SOBP: variants seen among roughly 807,000 people sequenced by gnomAD.
SOBP encodes sine oculis-binding protein homolog.
A neutral mutation model predicts 53.6 loss-of-function variants in SOBP; 4 were observed. The ratio of observed to expected loss-of-function variants is 0.07; its 90% CI spans 0.04 to 0.17. SOBP has a LOEUF of 0.17. SOBP is among the 10% of genes least tolerant of loss of function. The pLI is 1.00. For synonymous variants in SOBP, 584 were observed against 522.6 expected (o/e 1.12, Z -1.60); for missense variants, 1,088 against 1,204.7 (o/e 0.90, Z 1.43).
At chr6:107,629,176 AT>A (rs1020241545) in intron 5 of SOBP, among the ~76,000 whole-genome samples, 1 of 147,992 alleles carries the variant, frequency 6.8e-6, no homozygotes. Flanking sequence ...GCACGTGAAG[AT>A]TTTTTTTGTT....
chr6:107,588,349 A>G (rs1009878192), intron 5 of SOBP, among the ~76,000 whole-genome samples: 1 of 152,216 alleles, frequency 6.6e-6, no homozygotes, highest in Non-Finnish European at 1.5e-5. Flanking sequence ...TTACAATTAC[A>G]CTACTTATTC....
intron 5 of SOBP, among the ~76,000 whole-genome samples, chr6:107,618,020 G>T (rs1391805181): frequency 1.3e-5 from 2 of 151,836 alleles, no homozygotes; most frequent in African/African-American, 4.8e-5. Flanking sequence ...GTAGAGATGG[G>T]GTTTCACCAT....
intron 6 of SOBP, among the ~76,000 whole-genome samples, chr6:107,656,826 C>T (rs1772089291): frequency 6.6e-6 from 1 of 152,186 alleles, no homozygotes. Context: ...TCTGGGGTCC[C>T]TTCAAGTCCT....
chr6:107,493,158 C>G (rs1033769672), intron 1 of SOBP, among the ~76,000 whole-genome samples: 4 of 151,932 alleles, frequency 2.6e-5, no homozygotes, highest in African/African-American at 9.7e-5. Flanking sequence ...AGTTGGTTGC[C>G]CTGTATATAA....
intron 6 of SOBP, among the ~76,000 whole-genome samples, 199 bp from the exon 7 acceptor site, chr6:107,658,007 AG>A (rs1202729153): frequency 6.6e-6 from 1 of 152,158 alleles, no homozygotes; most frequent in Non-Finnish European, 1.5e-5. Context: ...CAAAGCTGGC[AG>A]GGCTGACCTG....
intron 4 of SOBP, among the ~76,000 whole-genome samples, chr6:107,559,455 A>G (rs949454245): frequency 4.6e-5 from 7 of 152,256 alleles, no homozygotes; most frequent in African/African-American, 1.7e-4. Context: ...AAAAAATAAG[A>G]TGAAATTTAT....
intron 5 of SOBP, among the ~76,000 whole-genome samples, chr6:107,631,349 G>C (rs1770708616): frequency 6.6e-6 from 1 of 152,062 alleles, no homozygotes; most frequent in African/African-American, 2.4e-5. Flanking sequence ...TTGCACTGCA[G>C]GCTTTCTATG....
chr6:107,510,865 G>C (rs12664365), intron 3 of SOBP: 2 of 152,072 alleles, frequency 1.3e-5, no homozygotes, highest in East Asian at 3.9e-4. Flanking sequence ...TCATGCAAGT[G>C]CACCTCTCAA....
intron 4 of SOBP, among the ~76,000 whole-genome samples, chr6:107,535,537 G>A (rs1479780237): frequency 6.6e-6 from 1 of 151,884 alleles, no homozygotes; most frequent in Non-Finnish European, 1.5e-5. Flanking sequence ...GTCTGTTAGT[G>A]TACAAACAAT....
At position 107,635,346 on chromosome 6, in the gene SOBP, C is replaced by G. The variant is rs1770991792; in HGVS notation, c.2502C>G (p.Pro834=). The change falls in exon 6 of 7, where the codon CCC becomes CCG. Residue 834 remains proline (P), a synonymous_variant. Coordinates refer to ENST00000317357, the MANE Select transcript of SOBP (RefSeq NM_018013.4). This position sits in a 1 kb window ranked among gnomAD's most constrained non-coding sequence, Gnocchi z 4.5. ...TGCVIQPVPK[P]AEKAAMAPCI... ...GCGTGATCCAGCCTGTGCCAAAACC[C>G]GCGGAGAAGGCTGCCATGGCACCGT... The G allele has an allele frequency of 3.7e-6, 6 of 1,613,558 alleles. No homozygotes were observed. The highest frequency in any genetic ancestry group is 5.1e-6 in the Non-Finnish European group (6 of 1,180,044).
At chr6:107,494,822 G>T (rs1013863447) in intron 1 of SOBP, among the ~76,000 whole-genome samples, 4 of 152,282 alleles carry the variant, frequency 2.6e-5, no homozygotes, top group Admixed American at 1.3e-4. Flanking sequence ...GAGTTTAGTA[G>T]TAAACTTACC....
intron 5 of SOBP, among the ~76,000 whole-genome samples, chr6:107,607,621 T>C (rs1406107143): frequency 6.6e-6 from 1 of 152,244 alleles, no homozygotes; most frequent in Non-Finnish European, 1.5e-5. Context: ...TGAGCACTGC[T>C]GAACTCAGAA....
At chr6:107,533,342 C>A in intron 3 of SOBP, 117 bp from the exon 4 acceptor site, 9 of 689,784 alleles carry the variant, frequency 1.3e-5, no homozygotes, top group East Asian at 3.9e-5. Flanking sequence ...AGCACTTCTT[C>A]TCCAAGGTCC....
At chr6:107,625,280 G>A (rs549032580) in intron 5 of SOBP, among the ~76,000 whole-genome samples, 1 of 152,190 alleles carries the variant, frequency 6.6e-6, no homozygotes. Context: ...GGGCAGAGAT[G>A]GATACCAGGG....
At chr6:107,511,023 C>T (rs1167197355) in intron 3 of SOBP, among the ~76,000 whole-genome samples, 1 of 152,072 alleles carries the variant, frequency 6.6e-6, no homozygotes, top group Non-Finnish European at 1.5e-5. Context: ...AATTTATTCA[C>T]ATTGATTATT....
intron 3 of SOBP, among the ~76,000 whole-genome samples, chr6:107,513,087 G>A (rs979520543): frequency 5.3e-5 from 8 of 152,222 alleles, no homozygotes; most frequent in African/African-American, 1.9e-4. Flanking sequence ...CACATGTGAA[G>A]TAAAAGGAAG....
intron 3 of SOBP, among the ~76,000 whole-genome samples, chr6:107,522,537 C>CTCTTT: frequency 1.3e-5 from 1 of 74,098 alleles, no homozygotes. Flanking sequence ...AGTATAAAAA[C>CTCTTT]TTTTTTTTTT....
intron 3 of SOBP, among the ~76,000 whole-genome samples, chr6:107,525,058 A>T (rs1433131536): frequency 1.3e-5 from 2 of 152,184 alleles, no homozygotes; most frequent in Admixed American, 6.5e-5. Context: ...AGTCTTTTTT[A>T]AAAATCACAT....
chr6:107,501,045 AG>A (rs1782833063), intron 1 of SOBP, among the ~76,000 whole-genome samples: 1 of 152,176 alleles, frequency 6.6e-6, no homozygotes, highest in South Asian at 2.1e-4. Context: ...CAAAACATTA[AG>A]GTGTTTATTT....
Sources: gnomAD v4.1 joint callset for allele counts (sites outside exome capture counted in the v4.1 genomes callset) on GRCh38, gnomAD v4.1.1 for gene constraint, Gnocchi (gnomAD v3.1) non-coding constraint, MANE v1.5 for transcripts, NCBI Gene and HGNC (gene_info 2026-07-23, HGNC 2026-07-21) for gene names.